GPC6: variants seen among roughly 807,000 people sequenced by gnomAD.
GPC6 encodes the protein glypican 6, also known as glypican-6.
In GPC6, 14 loss-of-function variants were observed where a neutral mutation model predicts 55.2. That is an observed-to-expected ratio of 0.25 (90% CI 0.17 to 0.40). The LOEUF is 0.40. GPC6 is among the 10% of genes least tolerant of loss of function. GPC6 has a pLI of 1.00. For missense variants in GPC6, 641 were observed against 708.5 expected, an observed-to-expected ratio of 0.90 and a Z score of 1.08; for synonymous variants, 278 against 259.6, an observed-to-expected ratio of 1.07 and a Z score of -0.68.
At chr13:93,729,253 A>G (rs1047379486) in intron 2 of GPC6, among the ~76,000 whole-genome samples, 1 of 152,170 alleles carries the variant, frequency 6.6e-6, no homozygotes, top group Admixed American at 6.5e-5. Flanking sequence ...TGAGATTCTA[A>G]AAGAGTCCAG....
chr13:93,512,533 C>G (rs1041031221), intron 1 of GPC6, among the ~76,000 whole-genome samples: 1 of 151,990 alleles, frequency 6.6e-6, no homozygotes, highest in African/African-American at 2.4e-5. Flanking sequence ...GGTGTATCAT[C>G]TTCTTGATTT....
intron 3 of GPC6, among the ~76,000 whole-genome samples, chr13:93,880,552 T>A (rs1055206754): frequency 2.0e-5 from 3 of 152,066 alleles, no homozygotes; most frequent in Admixed American, 2.0e-4. Context: ...CATCACGCTC[T>A]GGGGACTGTT....
At chr13:94,099,117 C>T (rs915908540) in intron 4 of GPC6, among the ~76,000 whole-genome samples, 2 of 152,066 alleles carry the variant, frequency 1.3e-5, no homozygotes, top group South Asian at 2.1e-4. Context: ...TATTCTGTGT[C>T]ATTCTGACCC....
intron 4 of GPC6, among the ~76,000 whole-genome samples, chr13:94,235,243 A>G (rs1245716252): frequency 6.6e-6 from 1 of 152,188 alleles, no homozygotes; most frequent in African/African-American, 2.4e-5. Context: ...CTGATATTTC[A>G]AGACCATTTT....
upstream of GPC6, among the ~76,000 whole-genome samples, chr13:93,225,072 C>G (rs1440684564): frequency 6.6e-6 from 1 of 152,170 alleles, no homozygotes; most frequent in African/African-American, 2.4e-5. Flanking sequence ...TATGCTTTTA[C>G]CCATTCTTCC....
intron 2 of GPC6, among the ~76,000 whole-genome samples, chr13:93,756,731 T>G (rs9516283): frequency 0.19 from 28,900 of 152,060 alleles, 3,510 homozygotes; most frequent in Non-Finnish European, 0.26. Context: ...ATGAATCACT[T>G]TTCTTTTCCT....
intron 1 of GPC6, among the ~76,000 whole-genome samples, chr13:93,266,594 G>A (rs1011505219): frequency 2.6e-5 from 4 of 152,104 alleles, no homozygotes; most frequent in African/African-American, 9.7e-5. Context: ...TGTTTTAAGT[G>A]CTTTGAGTTT....
At chr13:94,254,917 T>C (rs924409808) in intron 4 of GPC6, among the ~76,000 whole-genome samples, 1 of 152,138 alleles carries the variant, frequency 6.6e-6, no homozygotes, top group African/African-American at 2.4e-5. Flanking sequence ...ATGCTCTAAG[T>C]TTTTACATAT....
chr13:93,584,578 T>C (rs1267403619), intron 2 of GPC6, among the ~76,000 whole-genome samples: 1 of 152,142 alleles, frequency 6.6e-6, no homozygotes, highest in East Asian at 1.9e-4. Context: ...AGAAAAGCTC[T>C]TGGGGTCCTT....
At position 93,733,287 on chromosome 13, in the gene GPC6, T is replaced by C. The variant is rs558369412; in HGVS notation, c.320-96867T>C. Among the ~76,000 whole-genome samples the C allele has an allele frequency of 5.9e-5, 9 of 152,166 alleles. No homozygotes were observed. In the East Asian group the frequency reaches 1.5e-3, roughly 26 times the overall value. On this transcript the variant is annotated intron_variant, in intron 2 of 8. Transcript: ENST00000377047. Reference sequence around the variant, plus strand: ...TAATAAGTAATACTATGTATTTTAATTATATTTTTACCATGCCCCAAGTTA... The same window carrying C: ...TAATAAGTAATACTATGTATTTTAACTATATTTTTACCATGCCCCAAGTTA...
At chr13:93,284,933 A>C (rs1878062087) in intron 1 of GPC6, among the ~76,000 whole-genome samples, 1 of 152,224 alleles carries the variant, frequency 6.6e-6, no homozygotes, top group Non-Finnish European at 1.5e-5. Flanking sequence ...TTGGCAAAGT[A>C]ATATCTTTAC....
intron 4 of GPC6, among the ~76,000 whole-genome samples, chr13:94,116,293 C>G (rs1018987187): frequency 4.6e-5 from 7 of 151,904 alleles, no homozygotes; most frequent in African/African-American, 1.7e-4. Flanking sequence ...CTGGAAGTTG[C>G]GCTTGATATT....
At chr13:94,252,329 A>G (rs1472936960) in intron 4 of GPC6, among the ~76,000 whole-genome samples, 1 of 152,150 alleles carries the variant, frequency 6.6e-6, no homozygotes, top group African/African-American at 2.4e-5. Flanking sequence ...GATATTGAGT[A>G]ATAAGATTGT....
At chr13:94,112,832 C>G (rs1886299510) in intron 4 of GPC6, among the ~76,000 whole-genome samples, 1 of 151,920 alleles carries the variant, frequency 6.6e-6, no homozygotes, top group East Asian at 1.9e-4. Flanking sequence ...AAGGAATTTT[C>G]TTTTTCCTTT....
intron 6 of GPC6, among the ~76,000 whole-genome samples, chr13:94,376,896 C>A (rs1468609250): frequency 1.3e-5 from 2 of 151,872 alleles, no homozygotes; most frequent in African/African-American, 4.8e-5. Context: ...AATAACGCAG[C>A]ATATCTACAA....
In GPC6 at chr13:93,288,542, A is replaced by G. The variant is rs764772427; in HGVS notation, c.160+60926A>G. ...GAATATTTTTAAGAGAGATTTTATT[A>G]AAAGGATTTGTGATATTTAGATGTA... On this transcript the variant is annotated intron_variant, in intron 1 of 8. Transcript: ENST00000377047. 7.7e-4 allele frequency among the ~76,000 whole-genome samples: 117 copies of G among 152,198 alleles called. 1 individual carries two copies. The highest frequency in any genetic ancestry group is 1.5e-3 in the Non-Finnish European group (103 of 68,030).
intron 5 of GPC6, among the ~76,000 whole-genome samples, chr13:94,293,298 T>A (rs1160841106): frequency 6.6e-6 from 1 of 152,168 alleles, no homozygotes; most frequent in Non-Finnish European, 1.5e-5. Context: ...GGGAGGGAAC[T>A]GGTAGGAGGT....
intron 5 of GPC6, among the ~76,000 whole-genome samples, chr13:94,297,396 A>G (rs1875401079): frequency 6.6e-6 from 1 of 152,164 alleles, no homozygotes. Context: ...CTTACAAGCA[A>G]AGGGCATATG....
Position 94,141,285 on chromosome 13 carries a change from G to T in GPC6, c.877+113391G>T, listed in dbSNP as rs147666996. On this transcript the variant is annotated intron_variant, in intron 4 of 8. Transcript: ENST00000377047. ...TTTAATTTGCAGTTGGTTAAAGGAG[G>T]AAAGCTTTGTCTAGAAATTTGGAAT... 2.1e-3 allele frequency among the ~76,000 whole-genome samples: 316 copies of T among 152,276 alleles called. 2 individuals carry two copies. The highest frequency in any genetic ancestry group is 7.3e-3 in the African/African-American group (302 of 41,568).
Sources: gnomAD v4.1 joint callset for allele counts (sites outside exome capture counted in the v4.1 genomes callset) on GRCh38, gnomAD v4.1.1 for gene constraint, MANE v1.5 for transcripts, NCBI Gene and HGNC (gene_info 2026-07-23, HGNC 2026-07-21) for gene names.